ADAMTS18: variants seen among roughly 807,000 people sequenced by gnomAD.
ADAMTS18 encodes ADAM metallopeptidase with thrombospondin type 1 motif 18.
Under a neutral mutation model 165.9 loss-of-function variants are expected in ADAMTS18, and 157 were observed. That is an observed-to-expected ratio of 0.95 (90% CI 0.83 to 1.08). The LOEUF is 1.08. ADAMTS18 is among the 50% of genes least tolerant of loss of function. ADAMTS18 has a pLI of 0.00. For missense variants in ADAMTS18, 2,040 were observed against 1,534.0 expected (o/e 1.33, Z -5.51); for synonymous variants, 782 against 578.2 (o/e 1.35, Z -5.06).
At chr16:77,300,486 G>C (rs2055561956) in intron 16 of ADAMTS18, 82 bp from the exon 17 acceptor site, 1 of 1,491,084 alleles carries the variant, frequency 6.7e-7, no homozygotes, top group East Asian at 2.3e-5. Context: ...ACATTTTAAA[G>C]ATATTTACAT....
At chr16:77,412,270 C>A (rs920410896) in intron 3 of ADAMTS18, among the ~76,000 whole-genome samples, 1 of 152,154 alleles carries the variant, frequency 6.6e-6, no homozygotes, top group Non-Finnish European at 1.5e-5. Flanking sequence ...ATCTTCTCAA[C>A]GAGTCTTGGG....
chr16:77,403,434 T>C (rs968862764), intron 3 of ADAMTS18, among the ~76,000 whole-genome samples: 6 of 152,150 alleles, frequency 3.9e-5, no homozygotes, highest in Non-Finnish European at 8.8e-5. Context: ...AGATTATCTA[T>C]CCTCAGACTC....
At chr16:77,387,712 A>T (rs935389698) in intron 3 of ADAMTS18, among the ~76,000 whole-genome samples, 2 of 152,352 alleles carry the variant, frequency 1.3e-5, no homozygotes, top group Middle Eastern at 6.8e-3. Flanking sequence ...TCTGCCAAAA[A>T]AATTTTAAAA....
In ADAMTS18 at chr16:77,297,492, T is replaced by A. The variant is rs939226854; in HGVS notation, c.2675-77A>T. On this transcript the variant is annotated intron_variant, in intron 17 of 22. Coordinates refer to ENST00000282849, the MANE Select transcript of ADAMTS18 (RefSeq NM_199355.4). ...TTTGGTTCTAAGTTTAGCTTCTGAT[T>A]TACCAGCATTGTGATATTTTATTTC... 5 of 1,409,674 alleles carry A rather than the reference T, an allele frequency of 3.5e-6. No homozygotes were observed. The African/African-American group carries it at 7.1e-5, about 20-fold the overall frequency. 87.3% of individuals were successfully genotyped at this position (1,409,674 alleles called of 1,614,324 possible). A position where few individuals can be genotyped will look rare whatever the true frequency, so the allele number is the denominator to read the frequency against.
chr16:77,329,530 G>A (rs1447777000), intron 12 of ADAMTS18, among the ~76,000 whole-genome samples: 1 of 152,174 alleles, frequency 6.6e-6, no homozygotes, highest in Non-Finnish European at 1.5e-5. Flanking sequence ...TGTAAAGAAT[G>A]TAGGGCAGTA....
intron 11 of ADAMTS18, among the ~76,000 whole-genome samples, chr16:77,337,998 G>A (rs1044667690): frequency 1.3e-5 from 2 of 150,756 alleles, no homozygotes; most frequent in Non-Finnish European, 2.9e-5. Flanking sequence ...CCGCCTCCCA[G>A]GTTCAAGCGA....
chr16:77,363,801 C>T lies in ADAMTS18; in HGVS notation c.1056+1G>A. 6.2e-7 allele frequency: 1 copy of T among 1,613,698 alleles called. No homozygotes were observed. The highest frequency in any genetic ancestry group is 8.5e-7 in the Non-Finnish European group (1 of 1,179,748). ...AGACATAAATGAAGTTTGCCACTTA[C>T]AGGTTCTTGTTCCAGAAGAATTAGG... On this transcript the variant is annotated splice_donor_variant, in intron 6 of 22. Coordinates refer to ENST00000282849, the MANE Select transcript of ADAMTS18 (RefSeq NM_199355.4). LOFTEE classifies it high-confidence loss of function.
At chr16:77,425,404 G>T (rs573373839) in intron 3 of ADAMTS18, among the ~76,000 whole-genome samples, 1 of 152,268 alleles carries the variant, frequency 6.6e-6, no homozygotes, top group South Asian at 2.1e-4. Context: ...AGGCTGGATG[G>T]TAATCAGACA....
chr16:77,370,701 G>T (rs536582616), intron 3 of ADAMTS18, among the ~76,000 whole-genome samples: 150 of 152,142 alleles, frequency 9.9e-4, no homozygotes, highest in African/African-American at 3.5e-3. Flanking sequence ...AGTGAGCAGA[G>T]ATCATGCCAC....
In ADAMTS18 at chr16:77,381,890, G is replaced by C. The variant is rs566412165; in HGVS notation, c.496-14167C>G. ...AAAAGAAAGTCCTGTGTTTAGTGGAGACACTGAGAAAGCTTCCCCCATGGA... is the reference window on the plus strand; with the variant it reads ...AAAAGAAAGTCCTGTGTTTAGTGGACACACTGAGAAAGCTTCCCCCATGGA... On this transcript the variant is annotated intron_variant, in intron 3 of 22. Transcript: ENST00000282849. Among the ~76,000 whole-genome samples the C allele has an allele frequency of 8.5e-4, 129 of 152,276 alleles. 1 individual carries two copies. The highest frequency in any genetic ancestry group is 3.0e-3 in the African/African-American group (126 of 41,560).
At chr16:77,373,185 G>A (rs563104589) in intron 3 of ADAMTS18, among the ~76,000 whole-genome samples, 6 of 152,032 alleles carry the variant, frequency 3.9e-5, no homozygotes, top group Admixed American at 1.3e-4. Flanking sequence ...CCGTACTCAC[G>A]ACCCTATTGA....
intron 3 of ADAMTS18, among the ~76,000 whole-genome samples, chr16:77,408,356 T>C (rs2057418477): frequency 1.3e-5 from 2 of 151,950 alleles, no homozygotes; most frequent in East Asian, 3.9e-4. Context: ...TAGATAAATA[T>C]AGCCAACAGA....
intron 3 of ADAMTS18, among the ~76,000 whole-genome samples, chr16:77,424,454 G>C (rs1285130956): frequency 2.7e-5 from 4 of 149,110 alleles, no homozygotes; most frequent in African/African-American, 9.9e-5. Flanking sequence ...GGCAACAAGA[G>C]TGAAACTCCA....
intron 3 of ADAMTS18, among the ~76,000 whole-genome samples, chr16:77,377,502 T>C (rs1394691498): frequency 2.0e-5 from 3 of 152,192 alleles, no homozygotes; most frequent in African/African-American, 4.8e-5. Context: ...GAACTTCAAA[T>C]AGAATGATGT....
chr16:77,331,006 C>A (rs1206442469), intron 12 of ADAMTS18, among the ~76,000 whole-genome samples: 1 of 152,096 alleles, frequency 6.6e-6, no homozygotes, highest in Non-Finnish European at 1.5e-5. Context: ...CTTGGGAGAG[C>A]CTATCATCTA....
Position 77,290,174 on chromosome 16 carries a change from C to G in ADAMTS18, c.3403-763G>C, listed in dbSNP as rs572267420. ...AAGTCTTGTTATCAAATTATCTAAA[C>G]TAGGAGTTTGTAAACTTTTCCTTTA... is the stretch of plus-strand genomic sequence containing the variant. On this transcript the variant is annotated intron_variant, in intron 21 of 22. Transcript: ENST00000282849. 1.6e-3 allele frequency among the ~76,000 whole-genome samples: 245 copies of G among 152,212 alleles called. 1 individual carries two copies. Among genetic ancestry groups the G allele is most frequent in the Non-Finnish European group, 2.7e-3 (182 of 68,010 alleles).
At chr16:77,299,084 A>G (rs970971890) in intron 17 of ADAMTS18, among the ~76,000 whole-genome samples, 3 of 152,244 alleles carry the variant, frequency 2.0e-5, no homozygotes, top group Non-Finnish European at 4.4e-5. Flanking sequence ...AATGTTCTCA[A>G]GAAACACTGG....
chr16:77,348,174 T>A (rs1482204724), intron 10 of ADAMTS18, among the ~76,000 whole-genome samples: 1 of 152,160 alleles, frequency 6.6e-6, no homozygotes, highest in African/African-American at 2.4e-5. Context: ...TAACTTCAAT[T>A]TCCTTTCTGC....
At chr16:77,313,609 A>G (rs1460768614) in intron 16 of ADAMTS18, among the ~76,000 whole-genome samples, 1 of 152,172 alleles carries the variant, frequency 6.6e-6, no homozygotes, top group Non-Finnish European at 1.5e-5. Context: ...GAAGCGGTAA[A>G]AAACGTATTT....
Sources: gnomAD v4.1 joint callset for allele counts (sites outside exome capture counted in the v4.1 genomes callset) on GRCh38, gnomAD v4.1.1 for gene constraint, MANE v1.5 for transcripts, NCBI Gene and HGNC (gene_info 2026-07-23, HGNC 2026-07-21) for gene names.